Variants in IGF2BP1 observed in about 807,000 individuals in gnomAD.
The protein encoded by IGF2BP1 is insulin like growth factor 2 mRNA binding protein 1.
IGF2BP1 carries 11 observed loss-of-function variants against 74.9 expected under a neutral mutation model. That is an observed-to-expected ratio of 0.15 (90% CI 0.09 to 0.24). IGF2BP1 has a LOEUF of 0.24. Among genes scored for constraint, IGF2BP1 ranks in the 10% least tolerant of loss-of-function variants. The pLI, the probability that IGF2BP1 is intolerant of heterozygous loss-of-function variation, is 1.00. For missense variants in IGF2BP1, 440 were observed against 757.4 expected (o/e 0.58, Z 4.92); for synonymous variants, 287 against 281.8 (o/e 1.02, Z -0.18).
intron 2 of IGF2BP1, among the ~76,000 whole-genome samples, chr17:49,008,831 T>C (rs1357458537): frequency 6.6e-6 from 1 of 152,074 alleles, no homozygotes. Context: ...ACGTCTGGGA[T>C]AGCTTGCATA....
chr17:49,004,551 TTAAG>T (rs1434294839), intron 2 of IGF2BP1: 1 of 152,168 alleles, frequency 6.6e-6, no homozygotes, highest in Non-Finnish European at 1.5e-5. Flanking sequence ...AAGTGTCAAT[TTAAG>T]TAACCTGCAA....
At chr17:49,023,909 G>C (rs574616076) in intron 2 of IGF2BP1, among the ~76,000 whole-genome samples, 34 of 151,658 alleles carry the variant, frequency 2.2e-4, no homozygotes, top group African/African-American at 4.8e-4. Flanking sequence ...GCCTTCCTCA[G>C]GGAAAACTAC....
In IGF2BP1 at chr17:48,997,656, G is replaced by A. The variant is rs567042762; in HGVS notation, c.-90G>A. On this transcript the variant is annotated 5_prime_UTR_variant, in exon 1 of 15. Transcript: ENST00000290341. This position sits in a 1 kb window ranked among gnomAD's most constrained non-coding sequence, Gnocchi z 4.8. ...AGAAAGTTTGCGGCTCCTGCCGCCG[G>A]CCTCTCCGCCTCTTGGCCTAGGAGG... 5.1e-6 allele frequency: 7 copies of A among 1,380,462 alleles called. No homozygotes were observed. The African/African-American group carries it at 7.2e-5, about 14-fold the overall frequency. The allele number at this position is 1,380,462 out of a possible 1,614,324, so 85.5% of individuals were successfully genotyped here.
intron 2 of IGF2BP1, among the ~76,000 whole-genome samples, chr17:49,011,137 C>CAAAAAAAAA (rs61620827): frequency 9.9e-4 from 57 of 57,304 alleles, no homozygotes; most frequent in African/African-American, 2.6e-3. Context: ...GACTCTGTCT[C>CAAAAAAAAA]AAAAAAAAAA....
chr17:48,998,587 A>G (rs1461583657), intron 1 of IGF2BP1, among the ~76,000 whole-genome samples: 1 of 152,108 alleles, frequency 6.6e-6, no homozygotes, highest in Non-Finnish European at 1.5e-5. Context: ...GGTGGCAGTG[A>G]GGGACCCTCC....
At position 48,999,188 on chromosome 17, in the gene IGF2BP1, C is replaced by CG. The variant is rs760621209; in HGVS notation, c.236+27dup. 6 of 515,768 alleles carry CG rather than the reference C, an allele frequency of 1.2e-5. No individual in the cohort carries two copies. The African/African-American group carries it at 2.1e-4, about 18-fold the overall frequency. 31.9% of individuals were successfully genotyped at this position (515,768 alleles called of 1,614,324 possible). A position where few individuals can be genotyped will look rare whatever the true frequency, so the allele number is the denominator to read the frequency against. ...AACAAAGGTAGGAAAGAGCTCTTTTCGGGGGGGGTGGGGGGGCCGCGGGGG... is the reference window on the plus strand; with the variant it reads ...AACAAAGGTAGGAAAGAGCTCTTTTCGGGGGGGGGTGGGGGGGCCGCGGGGG... On this transcript the variant is annotated intron_variant, in intron 2 of 14. Transcript: ENST00000290341.
chr17:49,021,204 G>A (rs1456058812), intron 2 of IGF2BP1, among the ~76,000 whole-genome samples: 1 of 151,874 alleles, frequency 6.6e-6, no homozygotes, highest in Non-Finnish European at 1.5e-5. Flanking sequence ...TCTCTTTGGT[G>A]TAAGTCAGTG....
chr17:49,014,342 C>G (rs993019571), intron 2 of IGF2BP1, among the ~76,000 whole-genome samples: 1 of 150,072 alleles, frequency 6.7e-6, no homozygotes, highest in Non-Finnish European at 1.5e-5. Flanking sequence ...CGCCGTCCCC[C>G]TCAGTGGCCC....
intron 5 of IGF2BP1, among the ~76,000 whole-genome samples, chr17:49,033,875 A>G (rs1376863835): frequency 1.3e-5 from 2 of 152,158 alleles, no homozygotes; most frequent in Non-Finnish European, 2.9e-5. Context: ...GCTGGAGTGC[A>G]GTGTTGCAAA....
chr17:49,027,393 C>T (rs2041870341), intron 4 of IGF2BP1, among the ~76,000 whole-genome samples: 2 of 152,212 alleles, frequency 1.3e-5, no homozygotes, highest in South Asian at 2.1e-4. Flanking sequence ...GAATAATCAA[C>T]CGGTTGTCTC....
rs966868002 is a variant in IGF2BP1 at position 49,014,559 on chromosome 17, G to A, written c.237-11059G>A. On this transcript the variant is annotated intron_variant, in intron 2 of 14. Coordinates refer to ENST00000290341, the MANE Select transcript of IGF2BP1 (RefSeq NM_006546.4). The stretch of plus-strand genomic sequence containing the variant: ...CCTCCACAGAGAGGGCACTTGAGGG[G>A]GGGAGGAGGGCCACGTTGGGGCCCT... 1.3e-5 allele frequency among the ~76,000 whole-genome samples: 2 copies of A among 152,204 alleles called. 1 individual carries two copies. Among genetic ancestry groups the A allele is most frequent in the Middle Eastern group, 6.8e-3 (2 of 294 alleles).
chr17:49,023,056 G>A (rs1176269542), intron 2 of IGF2BP1, among the ~76,000 whole-genome samples: 6 of 152,100 alleles, frequency 3.9e-5, no homozygotes, highest in Non-Finnish European at 7.4e-5. Context: ...CATTTCTTCC[G>A]GCAGTTTTGC....
At chr17:49,025,017 C>T (rs2041834128) in intron 2 of IGF2BP1, among the ~76,000 whole-genome samples, 1 of 151,998 alleles carries the variant, frequency 6.6e-6, no homozygotes, top group African/African-American at 2.4e-5. Flanking sequence ...TATGGTGAAA[C>T]CCTGTCTCTA....
At chr17:49,004,119 C>A (rs1490348497) in intron 2 of IGF2BP1, among the ~76,000 whole-genome samples, 1 of 152,174 alleles carries the variant, frequency 6.6e-6, no homozygotes, top group Non-Finnish European at 1.5e-5. Context: ...GGTGGGGCCG[C>A]CCGCCTGCCT....
At chr17:49,022,983 G>T (rs1350280417) in intron 2 of IGF2BP1, among the ~76,000 whole-genome samples, 2 of 152,246 alleles carry the variant, frequency 1.3e-5, no homozygotes, top group Non-Finnish European at 2.9e-5. Flanking sequence ...AGCAATACCT[G>T]TTATAGGTGT....
intron 2 of IGF2BP1, among the ~76,000 whole-genome samples, chr17:49,005,704 G>A (rs1049163158): frequency 1.3e-5 from 2 of 152,126 alleles, no homozygotes; most frequent in African/African-American, 4.8e-5. Context: ...CTTATGAAAA[G>A]AAGGTTAAGG....
intron 5 of IGF2BP1, among the ~76,000 whole-genome samples, chr17:49,032,636 C>T (rs9916472): frequency 0.34 from 51,246 of 151,968 alleles, 9,202 homozygotes; most frequent in African/African-American, 0.42. Context: ...CTTAACATGC[C>T]GCCTTCTCCA....
chr17:49,031,848 G>A, intron 4 of IGF2BP1, 62 bp from the exon 5 acceptor site: 1 of 1,423,254 alleles, frequency 7.0e-7, no homozygotes, highest in Non-Finnish European at 9.9e-7. Context: ...CTGGAGTTGG[G>A]GATTCATTGA....
intron 4 of IGF2BP1, among the ~76,000 whole-genome samples, chr17:49,029,571 C>G (rs545098979): frequency 6.6e-6 from 1 of 152,126 alleles, no homozygotes; most frequent in African/African-American, 2.4e-5. Flanking sequence ...TTGAGCAAGC[C>G]CAGGGGACCC....
Sources: allele counts gnomAD v4.1 joint callset (sites outside exome capture counted in the v4.1 genomes callset), GRCh38; gene constraint gnomAD v4.1.1; non-coding constraint Gnocchi (gnomAD v3.1); transcripts MANE v1.5; gene names NCBI Gene and HGNC (gene_info 2026-07-23, HGNC 2026-07-21).